The following PRMT3 variants were observed in gnomAD, a reference collection of about 807,000 sequenced individuals.
PRMT3 encodes protein arginine methyltransferase 3.
In PRMT3, 62 loss-of-function variants were observed where a neutral mutation model predicts 71.9. The observed-to-expected ratio is 0.86, with a 90% CI of 0.70 to 1.07. The LOEUF (loss-of-function observed/expected upper bound fraction) is 1.07, where lower values mean the gene tolerates loss of function less well. PRMT3 is among the 50% of genes least tolerant of loss of function. The pLI is 0.00. For synonymous variants in PRMT3, 213 were observed against 220.4 expected, an observed-to-expected ratio of 0.97 and a Z score of 0.30; for missense variants, 663 against 643.0, an observed-to-expected ratio of 1.03 and a Z score of -0.34.
chr11:20,433,421 G>A (rs1291850887), intron 10 of PRMT3, among the ~76,000 whole-genome samples: 1 of 152,078 alleles, frequency 6.6e-6, no homozygotes, highest in African/African-American at 2.4e-5. Context: ...ATTCTATGGT[G>A]TATCTGTGAC....
chr11:20,470,125 T>C (rs2133414394), intron 13 of PRMT3, among the ~76,000 whole-genome samples: 1 of 152,344 alleles, frequency 6.6e-6, no homozygotes, highest in East Asian at 1.9e-4. Context: ...CTGTTGCTCC[T>C]AGGTTACAAA....
chr11:20,427,288 A>T (rs1220367270), intron 10 of PRMT3, among the ~76,000 whole-genome samples: 2 of 152,238 alleles, frequency 1.3e-5, no homozygotes, highest in Non-Finnish European at 1.5e-5. Context: ...CTGTTGGGCC[A>T]TGTAATCAAT....
intron 13 of PRMT3, among the ~76,000 whole-genome samples, chr11:20,474,136 T>G (rs1850720726): frequency 6.6e-6 from 1 of 152,164 alleles, no homozygotes; most frequent in Non-Finnish European, 1.5e-5. Context: ...GAGACCCCTT[T>G]TGGGAGGTGT....
At chr11:20,397,752 A>C (rs759292218) in intron 7 of PRMT3, 31 bp downstream of exon 7, 1 of 1,605,522 alleles carries the variant, frequency 6.2e-7, no homozygotes, top group Admixed American at 1.7e-5. Context: ...CGTCAAATCC[A>C]TACTAAAGGA....
chr11:20,417,222 A>G (rs1849325944), intron 9 of PRMT3, among the ~76,000 whole-genome samples: 1 of 152,290 alleles, frequency 6.6e-6, no homozygotes, highest in Non-Finnish European at 1.5e-5. Context: ...CCATGCATTT[A>G]TCAGTGTCTT....
chr11:20,501,424 C>T (rs553122101), intron 15 of PRMT3, among the ~76,000 whole-genome samples: 65 of 152,070 alleles, frequency 4.3e-4, no homozygotes, highest in Non-Finnish European at 8.2e-4. Flanking sequence ...ATTTGGATGG[C>T]CAATTTTGCC....
At position 20,508,407 on chromosome 11, in the gene PRMT3, C is replaced by G. The variant is rs745428854; in HGVS notation, c.1590C>G (p.Leu530=). 6.3e-7 allele frequency: 1 copy of G among 1,595,618 alleles called. No individual in the cohort carries two copies. The highest frequency in any genetic ancestry group is 8.6e-7 in the Non-Finnish European group (1 of 1,163,446). The change falls in exon 16 of 16, where the codon CTC becomes CTG. Residue 530 remains leucine, a synonymous_variant. Coordinates refer to ENST00000331079, the MANE Select transcript of PRMT3 (RefSeq NM_005788.4). ...ATAATTCAACTCAAACTTATGGTCTCCAGTGAAACAGCCATAAAAGCACAC... is the reference window on the plus strand; with the variant it reads ...ATAATTCAACTCAAACTTATGGTCTGCAGTGAAACAGCCATAAAAGCACAC... ...TLNNSTQTYG[L]Q
At chr11:20,498,605 C>A (rs575646008) in intron 15 of PRMT3, among the ~76,000 whole-genome samples, 1 of 152,264 alleles carries the variant, frequency 6.6e-6, no homozygotes, top group African/African-American at 2.4e-5. Flanking sequence ...TAGCACGCAC[C>A]TGTAATCCCG....
At chr11:20,494,132 A>T in intron 14 of PRMT3, 35 bp from the exon 15 acceptor site, 1 of 1,541,554 alleles carries the variant, frequency 6.5e-7, no homozygotes. Context: ...AAAATCTTGT[A>T]CTTCATCAAA....
chr11:20,387,998 ATTGT>A lies in PRMT3; in HGVS notation c.29-19_29-16del. The A allele has an allele frequency of 6.2e-7, 1 of 1,613,444 alleles. No individual in the cohort carries two copies. The highest frequency in any genetic ancestry group is 8.5e-7 in the Non-Finnish European group (1 of 1,179,868). On this transcript the variant is annotated splice_polypyrimidine_tract_variant and intron_variant, in intron 1 of 15. Coordinates refer to ENST00000331079, the MANE Select transcript of PRMT3 (RefSeq NM_005788.4). The surrounding 1 kb of genome is among the most constrained non-coding windows in gnomAD (Gnocchi z 4.3). The stretch of plus-strand genomic sequence containing the variant: ...CGCACCGGTGTCCGAGGCCGATCTG[ATTGT>A]TGTGTGTGTGTGTTAGGCGGCCGGG...
intron 13 of PRMT3, among the ~76,000 whole-genome samples, chr11:20,472,482 T>A (rs945891844): frequency 6.6e-6 from 1 of 152,208 alleles, no homozygotes; most frequent in Non-Finnish European, 1.5e-5. Context: ...TGGTTCTGTT[T>A]TTGTGATGAA....
chr11:20,407,024 T>C (rs1849086384), intron 8 of PRMT3: 1 of 152,200 alleles, frequency 6.6e-6, no homozygotes, highest in Non-Finnish European at 1.5e-5. Flanking sequence ...TTTGTATACA[T>C]ATGCGAGCAC....
At chr11:20,468,559 G>C (rs967851359) in intron 13 of PRMT3, among the ~76,000 whole-genome samples, 1 of 152,138 alleles carries the variant, frequency 6.6e-6, no homozygotes, top group South Asian at 2.1e-4. Flanking sequence ...AGTAGAGACA[G>C]GGTTTCACTG....
chr11:20,501,207 T>C (rs1173418273), intron 15 of PRMT3, among the ~76,000 whole-genome samples: 1 of 152,168 alleles, frequency 6.6e-6, no homozygotes, highest in Admixed American at 6.5e-5. Context: ...TAAATTCATA[T>C]ACACATTTGT....
At chr11:20,507,317 C>T (rs1851613962) in intron 15 of PRMT3, among the ~76,000 whole-genome samples, 3 of 152,146 alleles carry the variant, frequency 2.0e-5, no homozygotes, top group Admixed American at 2.0e-4. Context: ...TCTTTGAGGG[C>T]AGGGACCATA....
intron 15 of PRMT3, among the ~76,000 whole-genome samples, chr11:20,505,436 T>A (rs1346260192): frequency 6.6e-6 from 1 of 152,194 alleles, no homozygotes; most frequent in African/African-American, 2.4e-5. Context: ...ACATACTGCT[T>A]GTAAGTAAAA....
chr11:20,414,846 T>C lies in PRMT3; in HGVS notation c.893+6814T>C, dbSNP rs1849267625. On this transcript the variant is annotated intron_variant, in intron 9 of 15. Transcript: ENST00000331079. The stretch of plus-strand genomic sequence containing the variant: ...TAGAGAATATTTTGATTTATTGTCA[T>C]GTTTATGCAGGTGTCCTTCTCTAGA... Among the ~76,000 whole-genome samples, 5 of 152,248 alleles carry C rather than the reference T, an allele frequency of 3.3e-5. No individual in the cohort carries two copies. The South Asian group carries it at 1.0e-3, about 32-fold the overall frequency.
chr11:20,498,713 G>A (rs1851390378), intron 15 of PRMT3, among the ~76,000 whole-genome samples: 1 of 152,170 alleles, frequency 6.6e-6, no homozygotes. Context: ...CTGGGCAACA[G>A]AGCAAGACTC....
Position 20,404,228 on chromosome 11 carries a change from T to TGTTTTG in PRMT3, c.771+1244_771+1245insGTTTTG, listed in dbSNP as rs1438845211. Among the ~76,000 whole-genome samples, 19 of 101,844 alleles carry TGTTTTG rather than the reference T, an allele frequency of 1.9e-4. 1 individual carries two copies. Among genetic ancestry groups the TGTTTTG allele is most frequent in the South Asian group, 1.8e-3 (5 of 2,712 alleles). 66.8% of individuals were successfully genotyped at this position (101,844 alleles called of 152,430 possible). A position where few individuals can be genotyped will look rare whatever the true frequency, so the allele number is the denominator to read the frequency against. ...TTTTCATAGTTTTTTTTTTTTTTTT[T>TGTTTTG]TTTTTTTTTTTTTTTTTTTTTTTTG... On this transcript the variant is annotated intron_variant, in intron 8 of 15. Transcript: ENST00000331079.
Sources: allele counts gnomAD v4.1 joint callset (sites outside exome capture counted in the v4.1 genomes callset), GRCh38; gene constraint gnomAD v4.1.1; non-coding constraint Gnocchi (gnomAD v3.1); transcripts MANE v1.5; gene names NCBI Gene and HGNC (gene_info 2026-07-23, HGNC 2026-07-21).